The following PXK variants were observed in gnomAD, a reference collection of about 807,000 sequenced individuals.
PXK encodes the protein PX domain containing serine/threonine kinase like, also known as PX domain-containing protein kinase-like protein.
In PXK, 35 loss-of-function variants were observed where a neutral mutation model predicts 84.7. That is an observed-to-expected ratio of 0.41 (90% CI 0.32 to 0.55). The LOEUF (loss-of-function observed/expected upper bound fraction) is 0.55, where lower values mean the gene tolerates loss of function less well. Ranked by LOEUF, PXK falls within the 20% of genes least tolerant of loss-of-function variation. The pLI is 0.21. For synonymous variants in PXK, 253 were observed against 260.8 expected (o/e 0.97, Z 0.29); for missense variants, 634 against 699.7 (o/e 0.91, Z 1.06).
At position 58,395,702 on chromosome 3, in the gene PXK, G is replaced by C. The variant is rs1471115316; in HGVS notation, c.765G>C (p.Lys255Asn). ...TTCTAAAGAAGTACTGCAACCCTAA[G>C]AAGATTCAGGGCCTGGAACTCCAGC... Reference protein sequence around the residue: ...DPFLKKYCNPKKIQGLELQQI... With the variant: ...DPFLKKYCNPNKIQGLELQQI... Residue 255 changes from lysine (K) to asparagine (N), a missense_variant, in exon 9 of 18, where the codon AAG becomes AAC. By Grantham distance (94) the Lys-to-Asn change is moderately conservative. Around this residue, in one of 3 missense-constraint regions of PXK, gnomAD observed 353 missense variants for 385.2 expected, o/e 0.92. Transcript: ENST00000356151. 1 of 1,613,870 alleles carries C rather than the reference G, an allele frequency of 6.2e-7. No homozygotes were observed. The highest frequency in any genetic ancestry group is 8.5e-7 in the Non-Finnish European group (1 of 1,179,852).
chr3:58,406,823 G>C (rs1410749684), intron 13 of PXK, among the ~76,000 whole-genome samples: 1 of 152,090 alleles, frequency 6.6e-6, no homozygotes, highest in African/African-American at 2.4e-5. Flanking sequence ...TTGTCCTTTT[G>C]TGGATCATTT....
At chr3:58,422,574 G>A (rs2062064334) in intron 17 of PXK, 2 of 985,266 alleles carry the variant, frequency 2.0e-6, no homozygotes. Context: ...CCATTTACTT[G>A]GACAGTGGAA....
intron 16 of PXK, among the ~76,000 whole-genome samples, 191 bp downstream of exon 16, chr3:58,410,350 A>T (rs946960699): frequency 6.6e-6 from 1 of 152,236 alleles, no homozygotes; most frequent in Non-Finnish European, 1.5e-5. Context: ...CTCAAATGCT[A>T]GAAGGGACTT....
intron 13 of PXK, 43 bp downstream of exon 13, chr3:58,403,953 G>A: frequency 7.4e-7 from 1 of 1,344,432 alleles, no homozygotes; most frequent in Non-Finnish European, 1.0e-6. Flanking sequence ...ACATAACTAA[G>A]TTGACTTTGA....
chr3:58,372,292 G>T (rs932433182), intron 3 of PXK, among the ~76,000 whole-genome samples: 1 of 151,988 alleles, frequency 6.6e-6, no homozygotes, highest in Non-Finnish European at 1.5e-5. Flanking sequence ...AGCACATGTA[G>T]GCTATCTAAG....
chr3:58,341,297 C>T (rs889922929), intron 1 of PXK, among the ~76,000 whole-genome samples: 10 of 152,168 alleles, frequency 6.6e-5, no homozygotes, highest in African/African-American at 2.4e-4. Context: ...CATGGTGGCT[C>T]ATGCCTGAAA....
In PXK at chr3:58,374,317, C is replaced by T. The variant is rs528129268; in HGVS notation, c.201+4839C>T. On this transcript the variant is annotated intron_variant, in intron 3 of 17. Transcript: ENST00000356151. ...TCCCAAGTTGCTGGAATTACATGCC[C>T]CCACCATCATGCCTGGCTAATTTTT... Among the ~76,000 whole-genome samples, 97 of 151,902 alleles carry T rather than the reference C, an allele frequency of 6.4e-4. 1 individual carries two copies. Among genetic ancestry groups the T allele is most frequent in the Non-Finnish European group, 1.3e-3 (87 of 67,934 alleles).
At chr3:58,363,596 A>G (rs531149294) in intron 1 of PXK, among the ~76,000 whole-genome samples, 1 of 152,354 alleles carries the variant, frequency 6.6e-6, no homozygotes, top group African/African-American at 2.4e-5. Context: ...TGCTGAGATT[A>G]CAGGCATGAG....
At chr3:58,357,580 C>T (rs1020636596) in intron 1 of PXK, among the ~76,000 whole-genome samples, 1 of 152,154 alleles carries the variant, frequency 6.6e-6, no homozygotes, top group Non-Finnish European at 1.5e-5. Context: ...ATGAGTAATC[C>T]ATTGCGCTAT....
At chr3:58,341,370 TG>T in intron 1 of PXK, among the ~76,000 whole-genome samples, 1 of 152,250 alleles carries the variant, frequency 6.6e-6, no homozygotes, top group Non-Finnish European at 1.5e-5. Flanking sequence ...GAGACTAGCC[TG>T]GCCAACATGG....
At chr3:58,347,889 T>C (rs1336273109) in intron 1 of PXK, among the ~76,000 whole-genome samples, 2 of 152,126 alleles carry the variant, frequency 1.3e-5, no homozygotes, top group Non-Finnish European at 2.9e-5. Flanking sequence ...AAGAGTAAGA[T>C]TGAAGGTTTC....
At chr3:58,336,038 CATATATATAT>C (rs1168755178) in intron 1 of PXK, among the ~76,000 whole-genome samples, 881 of 43,136 alleles carry the variant, frequency 0.02, 27 homozygotes, top group Middle Eastern at 0.074. Context: ...CCTTGGGAAA[CATATATATAT>C]ATATATATAT....
At chr3:58,381,886 T>C (rs1390205655) in intron 3 of PXK, among the ~76,000 whole-genome samples, 1 of 152,142 alleles carries the variant, frequency 6.6e-6, no homozygotes, top group Non-Finnish European at 1.5e-5. Flanking sequence ...AGAGAATGGT[T>C]ATGTCACCTG....
At chr3:58,413,092 T>A in intron 17 of PXK, 129 bp downstream of exon 17, 1 of 956,490 alleles carries the variant, frequency 1.0e-6, no homozygotes, top group Non-Finnish European at 1.6e-6. Context: ...GAGAAATCAG[T>A]GGGAGTGCAA....
chr3:58,410,903 G>C (rs1446008645), intron 16 of PXK, among the ~76,000 whole-genome samples: 6 of 152,218 alleles, frequency 3.9e-5, no homozygotes, highest in Admixed American at 3.9e-4. Context: ...ATACTTTTAG[G>C]CAGAGGAAGG....
chr3:58,366,780 C>T (rs2098278327), intron 2 of PXK, among the ~76,000 whole-genome samples: 2 of 152,160 alleles, frequency 1.3e-5, no homozygotes, highest in African/African-American at 4.8e-5. Flanking sequence ...ATTCACTTAA[C>T]CTTTTAAAAA....
At chr3:58,350,882 A>T (rs1187322420) in intron 1 of PXK, among the ~76,000 whole-genome samples, 1 of 152,166 alleles carries the variant, frequency 6.6e-6, no homozygotes, top group Non-Finnish European at 1.5e-5. Context: ...TCAGAGTAGG[A>T]AGGATAGATT....
In PXK at chr3:58,369,416, TC is replaced by T; in HGVS notation, c.154-14del. 6.3e-7 allele frequency: 1 copy of T among 1,599,126 alleles called. No homozygotes were observed. Among genetic ancestry groups the T allele is most frequent in the South Asian group, 1.1e-5 (1 of 90,592 alleles). On this transcript the variant is annotated splice_polypyrimidine_tract_variant and intron_variant, in intron 2 of 17. Transcript: ENST00000356151. ...GTCTTTGCTGAATCAAAACACTACT[TC>T]TTGTCTCTTACAGATTGTTAGAAGA... is the stretch of plus-strand genomic sequence containing the variant.
At chr3:58,352,820 C>G (rs2097960152) in intron 1 of PXK, among the ~76,000 whole-genome samples, 1 of 152,116 alleles carries the variant, frequency 6.6e-6, no homozygotes, top group Non-Finnish European at 1.5e-5. Context: ...GAGACCAGCT[C>G]TCCTGGTAGG....
Sources: gnomAD v4.1 joint callset for allele counts (sites outside exome capture counted in the v4.1 genomes callset) on GRCh38, gnomAD v4.1.1 for gene constraint, gnomAD v4.1.1 regional missense constraint, MANE v1.5 for transcripts, NCBI Gene and HGNC (gene_info 2026-07-23, HGNC 2026-07-21) for gene names.